ELP4: variants seen among roughly 807,000 people sequenced by gnomAD.
ELP4 encodes elongator complex protein 4.
ELP4 carries 51 observed loss-of-function variants against 48.9 expected under a neutral mutation model. The ratio of observed to expected loss-of-function variants is 1.04; its 90% CI spans 0.83 to 1.32. ELP4 has a LOEUF of 1.32. Ranked by LOEUF, ELP4 falls within the 40% of genes most tolerant of loss-of-function variation. The pLI, the probability that ELP4 is intolerant of heterozygous loss-of-function variation, is 0.00. For missense variants in ELP4, 519 were observed against 514.6 expected (o/e 1.01, Z -0.08); for synonymous variants, 210 against 189.2 (o/e 1.11, Z -0.90).
chr11:31,653,125 A>T (rs1945358360), intron 9 of ELP4: 1 of 151,714 alleles, frequency 6.6e-6, no homozygotes, highest in African/African-American at 2.4e-5. Context: ...GAAAATATTT[A>T]TCTAATCAGA....
chr11:31,536,474 C>T (rs1956503130), intron 2 of ELP4, among the ~76,000 whole-genome samples: 1 of 152,140 alleles, frequency 6.6e-6, no homozygotes, highest in South Asian at 2.1e-4. Context: ...GCCTCAGCCT[C>T]CTGAGTAGCT....
Position 31,539,742 on chromosome 11 carries a change from T to A in ELP4, c.340T>A (p.Leu114Met). The change falls in exon 3 of 10, where the codon TTG becomes ATG. Residue 114 changes from leucine (L) to methionine (M), a missense_variant. Physicochemically the swap from Leu to Met is conservative, Grantham distance 15 (BLOSUM62 2). Transcript: ENST00000640961. Reference protein sequence around the residue: ...AEGIVNGHTLLVASAKEDPAN... With the variant: ...AEGIVNGHTLMVASAKEDPAN... The stretch of plus-strand genomic sequence containing the variant: ...AGGAATTGTCAATGGGCATACTTTG[T>A]TGGTTGCATCTGCTAAAGAGGATCC... 6.2e-7 allele frequency: 1 copy of A among 1,612,340 alleles called. No individual in the cohort carries two copies. The highest frequency in any genetic ancestry group is 8.5e-7 in the Non-Finnish European group (1 of 1,179,174).
intron 3 of ELP4, among the ~76,000 whole-genome samples, chr11:31,590,567 G>T (rs1592142185): frequency 6.6e-6 from 1 of 152,174 alleles, no homozygotes; most frequent in Non-Finnish European, 1.5e-5. Flanking sequence ...TAAGTTGGGT[G>T]TATTCGGCCA....
intron 3 of ELP4, among the ~76,000 whole-genome samples, chr11:31,565,789 G>C (rs1315538541): frequency 1.3e-5 from 2 of 152,106 alleles, no homozygotes; most frequent in East Asian, 1.9e-4. Flanking sequence ...TTGTAGTATA[G>C]TTTGAAGTCA....
At position 31,789,592 on chromosome 11, in the gene ELP4, CA is replaced by C. The variant is rs1457492416; in HGVS notation, c.*6070del. On this transcript the variant is annotated 3_prime_UTR_variant, in exon 10 of 10. Transcript: ENST00000640961. The stretch of plus-strand genomic sequence containing the variant: ...GTTTTCTTTTTAAAAAAAAAAAAAA[CA>C]ACTTCATGACCAACACAGATCAAAC... 1 of 525,744 alleles carries C rather than the reference CA, an allele frequency of 1.9e-6. No individual in the cohort carries two copies. Among genetic ancestry groups the C allele is most frequent in the African/African-American group, 2.0e-5 (1 of 49,714 alleles). 32.6% of individuals were successfully genotyped at this position (525,744 alleles called of 1,614,324 possible). A position where few individuals can be genotyped will look rare whatever the true frequency, so the allele number is the denominator to read the frequency against.
At chr11:31,770,505 C>G (rs1479967980) in intron 9 of ELP4, among the ~76,000 whole-genome samples, 3 of 150,074 alleles carry the variant, frequency 2.0e-5, no homozygotes, top group Admixed American at 1.3e-4. Flanking sequence ...TCAACTGTTA[C>G]CTAAATGATT....
intron 6 of ELP4, among the ~76,000 whole-genome samples, chr11:31,629,324 T>A (rs1408899745): frequency 6.6e-6 from 1 of 152,026 alleles, no homozygotes; most frequent in Non-Finnish European, 1.5e-5. Context: ...CCACACAGTA[T>A]GCCCCATTAT....
chr11:31,522,923 G>A (rs1956238027), intron 2 of ELP4, among the ~76,000 whole-genome samples: 1 of 150,392 alleles, frequency 6.6e-6, no homozygotes, highest in African/African-American at 2.5e-5. Flanking sequence ...GCAACAGCAT[G>A]ATCGTAGCTC....
chr11:31,529,320 T>C (rs1185292300), intron 2 of ELP4, among the ~76,000 whole-genome samples: 1 of 152,194 alleles, frequency 6.6e-6, no homozygotes, highest in Non-Finnish European at 1.5e-5. Context: ...TTTCCCACAA[T>C]TGGGGTCAGC....
At position 31,552,410 on chromosome 11, in the gene ELP4, C is replaced by T. The variant is rs143618393; in HGVS notation, c.381+12627C>T. On this transcript the variant is annotated intron_variant, in intron 3 of 9. Transcript: ENST00000640961. ...CATCTAACTCCTGCAATTGTATATC[C>T]AGCTCCCTACAGTACATATTACTTT... 6.9e-3 allele frequency among the ~76,000 whole-genome samples: 1,051 copies of T among 152,142 alleles called. 8 individuals carry two copies. The highest frequency in any genetic ancestry group is 0.034 in the Middle Eastern group (10 of 294).
At chr11:31,767,629 A>C (rs1948068215) in intron 9 of ELP4, 1 of 152,000 alleles carries the variant, frequency 6.6e-6, no homozygotes, top group Admixed American at 6.5e-5. Flanking sequence ...TTATCTATAT[A>C]CTCACAAATA....
At chr11:31,647,663 A>G (rs1401572097) in intron 7 of ELP4, 78 bp from the exon 8 acceptor site, 3 of 876,554 alleles carry the variant, frequency 3.4e-6, no homozygotes, top group South Asian at 1.5e-5. Context: ...TTTTCATGAG[A>G]TGGCATAGGG....
intron 3 of ELP4, among the ~76,000 whole-genome samples, chr11:31,542,869 CAT>C (rs2133911468): frequency 6.6e-6 from 1 of 152,032 alleles, no homozygotes; most frequent in South Asian, 2.1e-4. Context: ...TAGATGAAAA[CAT>C]AAGTTTTATT....
intron 9 of ELP4, among the ~76,000 whole-genome samples, chr11:31,711,274 T>C (rs1946738499): frequency 6.6e-6 from 1 of 152,156 alleles, no homozygotes; most frequent in South Asian, 2.1e-4. Flanking sequence ...GTGTACCATG[T>C]GGTAGTGTTA....
intron 9 of ELP4, among the ~76,000 whole-genome samples, chr11:31,680,105 G>A (rs1946025409): frequency 6.6e-6 from 1 of 152,114 alleles, no homozygotes; most frequent in Non-Finnish European, 1.5e-5. Flanking sequence ...GAGGGCAGTG[G>A]TTTTCCCTGT....
chr11:31,570,545 G>A (rs1050609921), intron 3 of ELP4, among the ~76,000 whole-genome samples: 4 of 146,100 alleles, frequency 2.7e-5, no homozygotes, highest in African/African-American at 1.0e-4. Flanking sequence ...TTGGCTCACT[G>A]CAACCTCTGC....
intron 4 of ELP4, among the ~76,000 whole-genome samples, chr11:31,597,282 A>G (rs1457172941): frequency 6.6e-6 from 1 of 152,206 alleles, no homozygotes; most frequent in Non-Finnish European, 1.5e-5. Flanking sequence ...ATGTCTGAAC[A>G]GTAAAATACT....
intron 7 of ELP4, among the ~76,000 whole-genome samples, chr11:31,640,261 A>C (rs1945065474): frequency 6.6e-6 from 1 of 152,016 alleles, no homozygotes; most frequent in Non-Finnish European, 1.5e-5. Flanking sequence ...TTTTACAAAT[A>C]AAATTACTAA....
chr11:31,771,047 C>A (rs1383315794), intron 9 of ELP4, among the ~76,000 whole-genome samples: 1 of 152,104 alleles, frequency 6.6e-6, no homozygotes, highest in Non-Finnish European at 1.5e-5. Flanking sequence ...GATTCCAAGT[C>A]ACATTTTAAA....
Sources: allele counts gnomAD v4.1 joint callset (sites outside exome capture counted in the v4.1 genomes callset), GRCh38; gene constraint gnomAD v4.1.1; transcripts MANE v1.5; gene names NCBI Gene and HGNC (gene_info 2026-07-23, HGNC 2026-07-21).